TBC1D22A: variants seen among roughly 807,000 people sequenced by gnomAD.
TBC1D22A encodes putative GTPase activator.
A neutral mutation model predicts 60.2 loss-of-function variants in TBC1D22A; 38 were observed. The ratio of observed to expected loss-of-function variants is 0.63; its 90% CI spans 0.49 to 0.83. The LOEUF (loss-of-function observed/expected upper bound fraction) is 0.83, where lower values mean the gene tolerates loss of function less well. Ranked by LOEUF, TBC1D22A falls within the 40% of genes least tolerant of loss-of-function variation. The pLI, the probability that TBC1D22A is intolerant of heterozygous loss-of-function variation, is 0.00. For missense variants in TBC1D22A, 628 were observed against 701.0 expected (o/e 0.90, Z 1.18); for synonymous variants, 302 against 281.7 (o/e 1.07, Z -0.72).
At chr22:46,847,920 T>G (rs775534241) in intron 4 of TBC1D22A, among the ~76,000 whole-genome samples, 42 of 25,338 alleles carry the variant, frequency 1.7e-3, no homozygotes, top group East Asian at 5.1e-3. Flanking sequence ...CCCTAGTGGG[T>G]GTGTGTGTGT....
At position 46,847,952 on chromosome 22, in the gene TBC1D22A, T is replaced by TGC. The variant is rs1381849796; in HGVS notation, c.638-30700_638-30699insCG. On this transcript the variant is annotated intron_variant, in intron 4 of 12. Coordinates refer to ENST00000337137, the MANE Select transcript of TBC1D22A (RefSeq NM_014346.5). ...GTGTGTGTGTGTGTGTGTGTGTGTG[T>TGC]GTGCGCGCGCGCACGCGCTCTACAC... Among the ~76,000 whole-genome samples, 9 of 125,638 alleles carry TGC rather than the reference T, an allele frequency of 7.2e-5. No homozygotes were observed. In the East Asian group the frequency reaches 1.1e-3, roughly 15 times the overall value. The allele number at this position is 125,638 out of a possible 152,430, so 82.4% of individuals were successfully genotyped here.
intron 4 of TBC1D22A, among the ~76,000 whole-genome samples, chr22:46,798,887 G>T (rs1292156077): frequency 6.6e-6 from 1 of 152,234 alleles, no homozygotes; most frequent in East Asian, 1.9e-4. Flanking sequence ...CCCAGGGCAG[G>T]GAGAGGGTTT....
intron 11 of TBC1D22A, among the ~76,000 whole-genome samples, chr22:47,079,915 G>GA (rs1341066282): frequency 1.3e-5 from 2 of 152,178 alleles, no homozygotes; most frequent in African/African-American, 2.4e-5. Context: ...AACATGGATA[G>GA]AAAAAATGAT....
chr22:46,941,424 C>CACAGAATATATAT (rs2072066834), intron 8 of TBC1D22A, among the ~76,000 whole-genome samples: 5 of 59,238 alleles, frequency 8.4e-5, no homozygotes, highest in Admixed American at 3.5e-4. Context: ...ACGGAATATA[C>CACAGAATATATAT]ACGGAATATA....
At chr22:47,020,270 G>T (rs192553672) in intron 10 of TBC1D22A, among the ~76,000 whole-genome samples, 1 of 152,146 alleles carries the variant, frequency 6.6e-6, no homozygotes, top group Non-Finnish European at 1.5e-5. Context: ...ACCAGCAGCC[G>T]GTGGTGGGAG....
chr22:46,902,958 A>G (rs754242524), intron 7 of TBC1D22A, among the ~76,000 whole-genome samples: 1 of 152,110 alleles, frequency 6.6e-6, no homozygotes, highest in African/African-American at 2.4e-5. Flanking sequence ...GGTGGCTGAA[A>G]GAATTGGAGA....
intron 4 of TBC1D22A, among the ~76,000 whole-genome samples, chr22:46,803,683 C>T (rs761856855): frequency 6.6e-6 from 1 of 152,208 alleles, no homozygotes; most frequent in Non-Finnish European, 1.5e-5. Context: ...AAGAGAATAA[C>T]GTGAGGGACG....
chr22:47,162,625 G>A (rs188348718), intron 12 of TBC1D22A, among the ~76,000 whole-genome samples: 1 of 52,706 alleles, frequency 1.9e-5, no homozygotes, highest in Non-Finnish European at 4.7e-5. Flanking sequence ...GTGGGACTGT[G>A]GACCCGGTGC....
At chr22:46,836,409 T>C (rs963301008) in intron 4 of TBC1D22A, among the ~76,000 whole-genome samples, 1 of 152,148 alleles carries the variant, frequency 6.6e-6, no homozygotes. Flanking sequence ...CTAAAATAGA[T>C]GGTTAGCACT....
intron 11 of TBC1D22A, among the ~76,000 whole-genome samples, chr22:47,101,422 A>T (rs1055638023): frequency 6.6e-6 from 1 of 152,204 alleles, no homozygotes; most frequent in Non-Finnish European, 1.5e-5. Flanking sequence ...CGGGCTAGGT[A>T]TGTCCTTCCA....
At chr22:46,864,503 T>C (rs1484995902) in intron 4 of TBC1D22A, among the ~76,000 whole-genome samples, 2 of 152,228 alleles carry the variant, frequency 1.3e-5, no homozygotes. Flanking sequence ...ACAAACTTAT[T>C]TCTCAGGCCT....
rs1334492576 is a variant in TBC1D22A, at chr22:46,960,135, A to G, written c.1016-14155A>G. Among the ~76,000 whole-genome samples the G allele has an allele frequency of 4.6e-5, 7 of 152,104 alleles. No individual in the cohort carries two copies. In the East Asian group the frequency reaches 5.8e-4, roughly 13 times the overall value. ...GCCTGAGTCTCTTCTGTTACCTCCA[A>G]TTTAACTAAGTGCTTCTTACCTGCC... On this transcript the variant is annotated intron_variant, in intron 8 of 12. Transcript: ENST00000337137.
intron 9 of TBC1D22A, among the ~76,000 whole-genome samples, chr22:46,980,252 G>A (rs2074461832): frequency 6.6e-6 from 1 of 152,176 alleles, no homozygotes; most frequent in Non-Finnish European, 1.5e-5. Flanking sequence ...GTGTGATACT[G>A]GCTCACTGCA....
At chr22:47,125,154 A>G (rs1388307498) in intron 12 of TBC1D22A, among the ~76,000 whole-genome samples, 2 of 152,104 alleles carry the variant, frequency 1.3e-5, no homozygotes, top group African/African-American at 4.8e-5. Flanking sequence ...TGCCCCATTG[A>G]GTCCCCGAGT....
intron 12 of TBC1D22A, among the ~76,000 whole-genome samples, chr22:47,156,671 T>A (rs1417385614): frequency 6.6e-6 from 1 of 152,136 alleles, no homozygotes; most frequent in African/African-American, 2.4e-5. Context: ...TGTCCACTCC[T>A]GGGGGTGTCC....
chr22:46,968,618 G>A lies in TBC1D22A; in HGVS notation c.1016-5672G>A, dbSNP rs1204889642. ...GGGCGGGCGTCCTCACTGCGTGGCCGGCGGTCCTGAGTGGGCAGGCGTCCT... is the reference window on the plus strand; with the variant it reads ...GGGCGGGCGTCCTCACTGCGTGGCCAGCGGTCCTGAGTGGGCAGGCGTCCT... On this transcript the variant is annotated intron_variant, in intron 8 of 12. Coordinates refer to ENST00000337137, the MANE Select transcript of TBC1D22A (RefSeq NM_014346.5). Among the ~76,000 whole-genome samples, 7 of 150,298 alleles carry A rather than the reference G, an allele frequency of 4.7e-5. No homozygotes were observed. The Middle Eastern group carries it at 0.01, about 224-fold the overall frequency.
intron 4 of TBC1D22A, among the ~76,000 whole-genome samples, chr22:46,846,837 C>T (rs2087019321): frequency 6.6e-6 from 1 of 152,192 alleles, no homozygotes; most frequent in Admixed American, 6.5e-5. Context: ...TTTCCTTCTC[C>T]TTTGCTGGAG....
intron 4 of TBC1D22A, among the ~76,000 whole-genome samples, chr22:46,805,934 C>A (rs1408912512): frequency 6.6e-6 from 1 of 151,998 alleles, no homozygotes; most frequent in Non-Finnish European, 1.5e-5. Flanking sequence ...CCCACTGCAG[C>A]CTCCGCCTCC....
intron 8 of TBC1D22A, among the ~76,000 whole-genome samples, chr22:46,970,701 T>C (rs2074012917): frequency 6.6e-6 from 1 of 152,218 alleles, no homozygotes; most frequent in African/African-American, 2.4e-5. Flanking sequence ...TTAAAATCTG[T>C]CATGGGTGTT....
Sources: allele counts gnomAD v4.1 joint callset (sites outside exome capture counted in the v4.1 genomes callset), GRCh38; gene constraint gnomAD v4.1.1; transcripts MANE v1.5; gene names NCBI Gene and HGNC (gene_info 2026-07-23, HGNC 2026-07-21).